The following ANTXR1 variants were observed in gnomAD, a reference collection of about 807,000 sequenced individuals.
ANTXR1 encodes anthrax toxin receptor 1.
A neutral mutation model predicts 78.1 loss-of-function variants in ANTXR1; 19 were observed. The observed-to-expected ratio is 0.24, with a 90% confidence interval of 0.17 to 0.36. The LOEUF is 0.36. Among genes scored for constraint, ANTXR1 ranks in the 10% least tolerant of loss-of-function variants. ANTXR1 has a pLI of 1.00. For synonymous variants in ANTXR1, 273 were observed against 260.5 expected, an observed-to-expected ratio of 1.05 and a Z score of -0.46; for missense variants, 518 against 718.6, an observed-to-expected ratio of 0.72 and a Z score of 3.19.
At chr2:69,128,488 G>C (rs1466016251) in intron 12 of ANTXR1, among the ~76,000 whole-genome samples, 1 of 152,088 alleles carries the variant, frequency 6.6e-6, no homozygotes, top group Non-Finnish European at 1.5e-5. Flanking sequence ...TTATAACCAA[G>C]GGGCTCCTCT....
intron 1 of ANTXR1, among the ~76,000 whole-genome samples, chr2:69,035,729 G>A (rs1374041044): frequency 6.6e-6 from 1 of 152,232 alleles, no homozygotes; most frequent in Non-Finnish European, 1.5e-5. Context: ...CAGGGCAGCT[G>A]TTAGCAGAGG....
chr2:69,161,031 G>T (rs140051720), intron 13 of ANTXR1, among the ~76,000 whole-genome samples: 3 of 152,182 alleles, frequency 2.0e-5, no homozygotes, highest in Non-Finnish European at 4.4e-5. Flanking sequence ...ACTCACCCTT[G>T]TTCCTTCTGT....
At chr2:69,216,480 T>C (rs1223677422) in intron 17 of ANTXR1, among the ~76,000 whole-genome samples, 1 of 152,074 alleles carries the variant, frequency 6.6e-6, no homozygotes, top group Non-Finnish European at 1.5e-5. Context: ...CATGCACATA[T>C]ATACACACAT....
chr2:69,156,706 T>A (rs998120696), intron 13 of ANTXR1, among the ~76,000 whole-genome samples: 1 of 152,114 alleles, frequency 6.6e-6, no homozygotes, highest in African/African-American at 2.4e-5. Flanking sequence ...CCACACACTT[T>A]TCAACAACCG....
intron 8 of ANTXR1, 66 bp from the exon 9 acceptor site, chr2:69,090,792 AG>A: frequency 3.9e-6 from 6 of 1,557,618 alleles, no homozygotes; most frequent in Non-Finnish European, 4.4e-6. Context: ...AGCTAAAAGC[AG>A]AACCCTGATT....
intron 3 of ANTXR1, among the ~76,000 whole-genome samples, chr2:69,049,458 A>G (rs533777568): frequency 1.3e-5 from 2 of 152,002 alleles, no homozygotes; most frequent in African/African-American, 4.8e-5. Flanking sequence ...TTACAGGTGC[A>G]CACCGCCATG....
chr2:69,224,839 C>T (rs1675401906), intron 17 of ANTXR1, among the ~76,000 whole-genome samples: 1 of 152,140 alleles, frequency 6.6e-6, no homozygotes. Context: ...GCGCTTAGTC[C>T]ATATTATACC....
At chr2:69,091,311 C>G (rs112210761) in intron 9 of ANTXR1, among the ~76,000 whole-genome samples, 27,701 of 151,406 alleles carry the variant, frequency 0.18, 3,162 homozygotes, top group South Asian at 0.26. Flanking sequence ...TGTGATGGCG[C>G]TTGCCTATAA....
chr2:69,108,313 G>A (rs776601472), intron 10 of ANTXR1, among the ~76,000 whole-genome samples: 42 of 152,220 alleles, frequency 2.8e-4, no homozygotes, highest in Non-Finnish European at 2.6e-4. Context: ...AAACTAGAGA[G>A]TGAACAGAAC....
chr2:69,164,788 C>T (rs1673782067), intron 13 of ANTXR1, among the ~76,000 whole-genome samples: 1 of 152,212 alleles, frequency 6.6e-6, no homozygotes, highest in Non-Finnish European at 1.5e-5. Context: ...AGAAATAGTT[C>T]TATGTCTTCC....
chr2:69,027,167 C>T lies in ANTXR1; in HGVS notation c.153-12877C>T, dbSNP rs1054974980. ...GTTGCTGTTGGGCATCAGCATCATGCAGTGGCAGCTGCTCTGTGGGGGTCA... is the reference window on the plus strand; with the variant it reads ...GTTGCTGTTGGGCATCAGCATCATGTAGTGGCAGCTGCTCTGTGGGGGTCA... On this transcript the variant is annotated intron_variant, in intron 1 of 17. Transcript: ENST00000303714. 3.3e-5 allele frequency among the ~76,000 whole-genome samples: 5 copies of T among 152,212 alleles called. No individual in the cohort carries two copies. In the East Asian group the frequency reaches 5.8e-4, roughly 18 times the overall value.
chr2:69,248,140 A>G lies in ANTXR1; in HGVS notation c.*2655A>G, dbSNP rs1418563665. On this transcript the variant is annotated 3_prime_UTR_variant, in exon 18 of 18. Coordinates refer to ENST00000303714, the MANE Select transcript of ANTXR1 (RefSeq NM_032208.3). ...TGTCATTCCCTGTAAAAGGCAGGAGACATGTGATTATGATCAGGAAACTGC... is the reference window on the plus strand; with the variant it reads ...TGTCATTCCCTGTAAAAGGCAGGAGGCATGTGATTATGATCAGGAAACTGC... 6.1e-6 allele frequency: 1 copy of G among 164,862 alleles called. No homozygotes were observed. The highest frequency in any genetic ancestry group is 1.5e-5 in the Non-Finnish European group (1 of 66,608). 10.2% of individuals were successfully genotyped at this position (164,862 alleles called of 1,614,324 possible). A position where few individuals can be genotyped will look rare whatever the true frequency, so the allele number is the denominator to read the frequency against.
chr2:69,213,176 AAGAGACCTACCACT>A (rs1370749265), intron 17 of ANTXR1, among the ~76,000 whole-genome samples: 2 of 152,134 alleles, frequency 1.3e-5, no homozygotes, highest in African/African-American at 4.8e-5. Flanking sequence ...AATCACTGTC[AAGAGACCTACCACT>A]AAAGCCAGTG....
chr2:69,248,494 C>T lies in ANTXR1; in HGVS notation c.*3009C>T. ...AGAACCATATTCTGTTGACAGCCAG[C>T]TCACAGTTTCTTGCCTGAAGCTTGG... On this transcript the variant is annotated 3_prime_UTR_variant, in exon 18 of 18. Transcript: ENST00000303714. 6.6e-6 allele frequency: 1 copy of T among 152,670 alleles called. No homozygotes were observed. Among genetic ancestry groups the T allele is most frequent in the East Asian group, 1.9e-4 (1 of 5,202 alleles). 9.5% of individuals were successfully genotyped at this position (152,670 alleles called of 1,614,324 possible).
Position 69,073,087 on chromosome 2 carries a change from T to C in ANTXR1, c.478T>C (p.Tyr160His). 1 of 1,614,024 alleles carries C rather than the reference T, an allele frequency of 6.2e-7. No individual in the cohort carries two copies. Among genetic ancestry groups the C allele is most frequent in the Non-Finnish European group, 8.5e-7 (1 of 1,179,888 alleles). The stretch of plus-strand genomic sequence containing the variant: ...AGAACTCCATGAAGATCTCTTTTTC[T>C]ATTCAGAGAGGGAGGTAAGCAACGG... ...DGELHEDLFF[Y>H]SEREANRSRD... The change falls in exon 6 of 18, where the codon TAT (tyrosine) becomes CAT (histidine). Residue 160 changes from tyrosine (Y) to histidine (H), a missense_variant. Physicochemically the swap from Tyr to His is moderately conservative, Grantham distance 83. This residue lies in a region of ANTXR1 where 264 missense variants were observed against 391.8 expected (regional missense o/e 0.67). Transcript: ENST00000303714.
intron 17 of ANTXR1, among the ~76,000 whole-genome samples, chr2:69,235,426 G>T (rs988522782): frequency 1.3e-5 from 2 of 152,008 alleles, no homozygotes; most frequent in African/African-American, 4.8e-5. Context: ...AAGGCTGGTA[G>T]ACCATCTGAG....
At chr2:69,036,546 G>A (rs183194096) in intron 1 of ANTXR1, among the ~76,000 whole-genome samples, 32 of 152,144 alleles carry the variant, frequency 2.1e-4, no homozygotes, top group South Asian at 6.2e-4. Flanking sequence ...ATTCTCTACC[G>A]ATGAGGAAAT....
chr2:69,162,932 A>G (rs1673723399), intron 13 of ANTXR1, among the ~76,000 whole-genome samples: 1 of 152,148 alleles, frequency 6.6e-6, no homozygotes, highest in Non-Finnish European at 1.5e-5. Context: ...GGTTGGCGCA[A>G]AAGTAATTGC....
At chr2:69,073,199 T>C in intron 6 of ANTXR1, 98 bp downstream of exon 6, 1 of 1,010,658 alleles carries the variant, frequency 9.9e-7, no homozygotes, top group Non-Finnish European at 1.6e-6. Flanking sequence ...ATAGGTGTTC[T>C]TTGCAAATCC....
Sources: allele counts gnomAD v4.1 joint callset (sites outside exome capture counted in the v4.1 genomes callset), GRCh38; gene constraint gnomAD v4.1.1; regional missense constraint gnomAD v4.1.1; transcripts MANE v1.5; gene names NCBI Gene and HGNC (gene_info 2026-07-23, HGNC 2026-07-21).